TNPO1: variants seen among roughly 807,000 people sequenced by gnomAD.
TNPO1 encodes the protein transportin-1.
TNPO1 carries 8 observed loss-of-function variants against 119.5 expected under a neutral mutation model. That is an observed-to-expected ratio of 0.07 (90% CI 0.04 to 0.12). The LOEUF (loss-of-function observed/expected upper bound fraction) is 0.12, where lower values mean the gene tolerates loss of function less well. Ranked by LOEUF, TNPO1 falls within the 10% of genes least tolerant of loss-of-function variation. TNPO1 has a pLI of 1.00. For synonymous variants in TNPO1, 362 were observed against 363.0 expected, an observed-to-expected ratio of 1.00 and a Z score of 0.03; for missense variants, 576 against 1,089.8, an observed-to-expected ratio of 0.53 and a Z score of 6.64.
Position 72,832,301 on chromosome 5 carries a change from T to C in TNPO1, c.15+15549T>C, listed in dbSNP as rs80038889. 6.9e-3 allele frequency among the ~76,000 whole-genome samples: 1,055 copies of C among 152,278 alleles called. 8 individuals are homozygous for C. Among genetic ancestry groups the C allele is most frequent in the African/African-American group, 0.024 (1,016 of 41,558 alleles). ...TAATTGGACTAAAACCATTACTTTATTATTACATTTATTTGATTACTAGTA... is the reference window on the plus strand; with the variant it reads ...TAATTGGACTAAAACCATTACTTTACTATTACATTTATTTGATTACTAGTA... On this transcript the variant is annotated intron_variant, in intron 1 of 24. Transcript: ENST00000337273.
chr5:72,877,278 C>T lies in TNPO1; in HGVS notation c.852C>T (p.Ala284=). 6.2e-7 allele frequency: 1 copy of T among 1,612,872 alleles called. No homozygotes were observed. Among genetic ancestry groups the T allele is most frequent in the Non-Finnish European group, 8.5e-7 (1 of 1,179,332 alleles). ...QDQDENVALE[A]CEFWLTLAEQ... is the part of the protein sequence containing the mutation. The stretch of plus-strand genomic sequence containing the variant: ...AAGATGAAAATGTGGCTTTAGAAGC[C>T]TGTGAATTTTGGCTAACTTTAGCTG... Residue 284 remains alanine (A), a synonymous_variant, in exon 9 of 25, where the codon GCC becomes GCT. Coordinates refer to ENST00000337273, the MANE Select transcript of TNPO1 (RefSeq NM_002270.4).
chr5:72,885,528 A>G (rs1748555590), intron 11 of TNPO1, among the ~76,000 whole-genome samples: 1 of 152,240 alleles, frequency 6.6e-6, no homozygotes, highest in Non-Finnish European at 1.5e-5. Context: ...CCAGTTTTCT[A>G]AAAGTGAAAT....
At chr5:72,843,603 AAAAAC>A (rs969529527) in intron 1 of TNPO1, among the ~76,000 whole-genome samples, 4 of 152,000 alleles carry the variant, frequency 2.6e-5, no homozygotes, top group African/African-American at 4.8e-5. Flanking sequence ...CAAAAAAAAA[AAAAAC>A]AAACCCAAAA....
chr5:72,830,161 A>C (rs913606396), intron 1 of TNPO1, among the ~76,000 whole-genome samples: 2 of 152,152 alleles, frequency 1.3e-5, no homozygotes, highest in Non-Finnish European at 2.9e-5. Flanking sequence ...AAAAAGGATA[A>C]GGTGCTAATA....
At chr5:72,822,717 C>T (rs550050150) in intron 1 of TNPO1, among the ~76,000 whole-genome samples, 2 of 151,580 alleles carry the variant, frequency 1.3e-5, no homozygotes, top group South Asian at 2.1e-4. Flanking sequence ...CTCAGCCTCC[C>T]GAGTAGCTGG....
At position 72,862,055 on chromosome 5, in the gene TNPO1, T is replaced by C. The variant is rs3213807; in HGVS notation, c.462+141T>C. 1,171 of 585,520 alleles carry C rather than the reference T, an allele frequency of 2.0e-3. 16 individuals are homozygous for C. The East Asian group carries it at 0.023, about 12-fold the overall frequency. 36.3% of individuals were successfully genotyped at this position (585,520 alleles called of 1,614,324 possible). The stretch of plus-strand genomic sequence containing the variant: ...GAAACCTAAAGTTACCTTTGTGTTA[T>C]ATTACATTTGTAAATCATTTATTTT... On this transcript the variant is annotated intron_variant, in intron 5 of 24. Coordinates refer to ENST00000337273, the MANE Select transcript of TNPO1 (RefSeq NM_002270.4).
At chr5:72,853,438 T>TA (rs890125306) in intron 3 of TNPO1, among the ~76,000 whole-genome samples, 1 of 152,120 alleles carries the variant, frequency 6.6e-6, no homozygotes, top group Admixed American at 6.5e-5. Context: ...CAGAAGTACT[T>TA]AAAAAAACAC....
chr5:72,899,935 C>T, intron 20 of TNPO1, 71 bp from the exon 21 acceptor site: 1 of 1,171,044 alleles, frequency 8.5e-7, no homozygotes, highest in South Asian at 1.3e-5. Context: ...TTTATTTTTT[C>T]TCCTTCCCCC....
At chr5:72,864,449 T>C (rs1048119218) in intron 5 of TNPO1, among the ~76,000 whole-genome samples, 1 of 152,196 alleles carries the variant, frequency 6.6e-6, no homozygotes, top group Non-Finnish European at 1.5e-5. Flanking sequence ...GTAGGTTACA[T>C]GTTATGTACA....
In TNPO1 at chr5:72,875,743, A is replaced by G; in HGVS notation, c.801+6A>G. ...ACATGCATAATATAGTTGAGGTAAC[A>G]CTGGCAATTTAAAGGCTCTTTCATC... On this transcript the variant is annotated splice_donor_region_variant and intron_variant, in intron 8 of 24. Transcript: ENST00000337273. The G allele has an allele frequency of 1.9e-6, 3 of 1,592,538 alleles. No individual in the cohort carries two copies. The highest frequency in any genetic ancestry group is 2.6e-6 in the Non-Finnish European group (3 of 1,163,512).
intron 7 of TNPO1, among the ~76,000 whole-genome samples, chr5:72,874,806 C>T (rs1011378962): frequency 1.3e-5 from 2 of 152,138 alleles, no homozygotes; most frequent in African/African-American, 4.8e-5. Context: ...TTTTTAAATG[C>T]TTGTTTTACT....
At chr5:72,892,557 C>G (rs1040393131) in intron 15 of TNPO1, among the ~76,000 whole-genome samples, 1 of 152,136 alleles carries the variant, frequency 6.6e-6, no homozygotes, top group African/African-American at 2.4e-5. Flanking sequence ...GCAGTCGTCC[C>G]TCAGTATCTG....
chr5:72,844,125 C>G (rs546510668), intron 1 of TNPO1, among the ~76,000 whole-genome samples: 9 of 152,292 alleles, frequency 5.9e-5, no homozygotes, highest in African/African-American at 1.7e-4. Flanking sequence ...TGTCCCTGCT[C>G]TCAAGGAACT....
chr5:72,849,611 A>C (rs1052863506), intron 2 of TNPO1, among the ~76,000 whole-genome samples: 2 of 152,200 alleles, frequency 1.3e-5, no homozygotes, highest in African/African-American at 4.8e-5. Context: ...ATAGATGACA[A>C]AATTAGTACT....
At chr5:72,892,015 A>G (rs1749094267) in intron 15 of TNPO1, 119 bp downstream of exon 15, 2 of 702,034 alleles carry the variant, frequency 2.8e-6, no homozygotes, top group African/African-American at 3.6e-5. Flanking sequence ...GGAGGAAATT[A>G]TATGATACAT....
At chr5:72,845,661 G>T (rs1022099241) in intron 1 of TNPO1, among the ~76,000 whole-genome samples, 1 of 152,180 alleles carries the variant, frequency 6.6e-6, no homozygotes, top group South Asian at 2.1e-4. Flanking sequence ...AAGGTGTGGG[G>T]AAACACCTAT....
chr5:72,831,737 A>AT (rs911287243), intron 1 of TNPO1, among the ~76,000 whole-genome samples: 5 of 151,758 alleles, frequency 3.3e-5, no homozygotes, highest in East Asian at 3.9e-4. Flanking sequence ...AGTTGAATCC[A>AT]TTTTTTTTAT....
chr5:72,903,789 TA>T lies in TNPO1; in HGVS notation c.2589+8del. 6.3e-7 allele frequency: 1 copy of T among 1,577,376 alleles called. No homozygotes were observed. The highest frequency in any genetic ancestry group is 8.7e-7 in the Non-Finnish European group (1 of 1,152,710). On this transcript the variant is annotated splice_region_variant and intron_variant, in intron 23 of 24. Coordinates refer to ENST00000337273, the MANE Select transcript of TNPO1 (RefSeq NM_002270.4). ...TCAGAGACATGTTCTGTAAGGTAAC[TA>T]ATAAGTCTTTATAATGCATCATCTT...
intron 11 of TNPO1, among the ~76,000 whole-genome samples, chr5:72,884,248 T>C (rs1457735181): frequency 6.6e-6 from 1 of 152,218 alleles, no homozygotes; most frequent in Non-Finnish European, 1.5e-5. Flanking sequence ...TTTATTATTA[T>C]AGTCATTCTA....
Sources: gnomAD v4.1 joint callset for allele counts (sites outside exome capture counted in the v4.1 genomes callset) on GRCh38, gnomAD v4.1.1 for gene constraint, MANE v1.5 for transcripts, NCBI Gene and HGNC (gene_info 2026-07-23, HGNC 2026-07-21) for gene names.